The following ACSS3 variants were observed in gnomAD, a reference collection of about 807,000 sequenced individuals.
ACSS3 encodes acyl-CoA synthetase short chain family member 3.
ACSS3 carries 64 observed loss-of-function variants against 84.2 expected under a neutral mutation model. The ratio of observed to expected loss-of-function variants is 0.76; its 90% confidence interval spans 0.62 to 0.94. The LOEUF is 0.94. ACSS3 is among the 40% of genes least tolerant of loss of function. ACSS3 has a pLI of 0.00. For synonymous variants in ACSS3, 317 were observed against 310.1 expected, an observed-to-expected ratio of 1.02 and a Z score of -0.23; for missense variants, 815 against 867.6, an observed-to-expected ratio of 0.94 and a Z score of 0.76.
chr12:81,235,975 C>A (rs1455486160), intron 13 of ACSS3, among the ~76,000 whole-genome samples: 1 of 151,378 alleles, frequency 6.6e-6, no homozygotes, highest in Non-Finnish European at 1.5e-5. Context: ...CTTTTTCTTG[C>A]CTTTTGGAAC....
chr12:81,247,908 A>G (rs2034034703), intron 13 of ACSS3, among the ~76,000 whole-genome samples: 1 of 152,094 alleles, frequency 6.6e-6, no homozygotes, highest in African/African-American at 2.4e-5. Context: ...TCTTAATCCA[A>G]TGAAAGTTTT....
chr12:81,091,945 A>G (rs1479367806), intron 1 of ACSS3, among the ~76,000 whole-genome samples: 1 of 152,124 alleles, frequency 6.6e-6, no homozygotes, highest in Non-Finnish European at 1.5e-5. Flanking sequence ...ATGCAGAGAT[A>G]GCAGATCTAG....
intron 1 of ACSS3, among the ~76,000 whole-genome samples, chr12:81,107,055 A>G (rs1170918925): frequency 6.6e-6 from 1 of 152,000 alleles, no homozygotes; most frequent in African/African-American, 2.4e-5. Context: ...ATTTTTTTTA[A>G]GTAGAGATGT....
rs573166568 is a variant in ACSS3, at chr12:81,201,722, T to C, written c.1354+2278T>C. ...TTTTACTAATAAAATGAATGATTCT[T>C]TCCATTTCCATTGTCCTCATCCCGT... On this transcript the variant is annotated intron_variant, in intron 9 of 15. Transcript: ENST00000548058. 3.9e-5 allele frequency among the ~76,000 whole-genome samples: 6 copies of C among 152,340 alleles called. No homozygotes were observed. The South Asian group carries it at 1.0e-3, about 26-fold the overall frequency.
chr12:81,137,988 T>G (rs1018712704), intron 3 of ACSS3, among the ~76,000 whole-genome samples: 1 of 152,134 alleles, frequency 6.6e-6, no homozygotes, highest in Non-Finnish European at 1.5e-5. Flanking sequence ...TGGGGCAAAC[T>G]ATGTAATTGC....
chr12:81,148,878 G>A (rs975022081), intron 5 of ACSS3, among the ~76,000 whole-genome samples: 7 of 141,360 alleles, frequency 5.0e-5, no homozygotes, highest in African/African-American at 8.0e-5. Context: ...TGGCTAGCAC[G>A]GTGAAACCCT....
intron 11 of ACSS3, among the ~76,000 whole-genome samples, chr12:81,228,103 C>T (rs1921072): frequency 0.34 from 51,678 of 151,680 alleles, 10,855 homozygotes; most frequent in Non-Finnish European, 0.48. Context: ...ATTAGGATGA[C>T]CTATTTTTAC....
At chr12:81,170,178 A>G (rs1460931378) in intron 7 of ACSS3, among the ~76,000 whole-genome samples, 1 of 152,114 alleles carries the variant, frequency 6.6e-6, no homozygotes, top group African/African-American at 2.4e-5. Context: ...TTATAATTTT[A>G]TTTTGCTAAG....
At chr12:81,107,511 C>CATACAT (rs1883138364) in intron 1 of ACSS3, among the ~76,000 whole-genome samples, 3 of 38,834 alleles carry the variant, frequency 7.7e-5, no homozygotes, top group Non-Finnish European at 9.8e-5. Context: ...CAAATATATA[C>CATACAT]ATATATATAT....
At chr12:81,187,512 G>T (rs918944244) in intron 8 of ACSS3, among the ~76,000 whole-genome samples, 10 of 151,792 alleles carry the variant, frequency 6.6e-5, no homozygotes, top group Non-Finnish European at 1.5e-5. Flanking sequence ...CTGTATGTCT[G>T]GCTGTCTTTG....
chr12:81,128,390 T>C (rs1885256678), intron 2 of ACSS3, among the ~76,000 whole-genome samples: 1 of 152,192 alleles, frequency 6.6e-6, no homozygotes, highest in South Asian at 2.1e-4. Context: ...CACATTGTTA[T>C]ATCTAAATAA....
intron 7 of ACSS3, among the ~76,000 whole-genome samples, chr12:81,173,946 T>C (rs2030274609): frequency 6.6e-6 from 1 of 151,654 alleles, no homozygotes; most frequent in Admixed American, 6.6e-5. Flanking sequence ...ATTTTGGATA[T>C]ATATATATAT....
chr12:81,207,425 C>T (rs935412254), intron 9 of ACSS3, among the ~76,000 whole-genome samples: 1 of 152,124 alleles, frequency 6.6e-6, no homozygotes, highest in East Asian at 1.9e-4. Flanking sequence ...GCCTTTACAT[C>T]CCAATTCAGC....
intron 5 of ACSS3, among the ~76,000 whole-genome samples, chr12:81,147,374 A>G (rs778657585): frequency 9.2e-5 from 14 of 152,222 alleles, no homozygotes; most frequent in Non-Finnish European, 1.5e-4. Flanking sequence ...ACTCATTTAG[A>G]CAGTCAACAA....
intron 8 of ACSS3, among the ~76,000 whole-genome samples, chr12:81,195,885 G>A (rs1274899848): frequency 3.9e-5 from 6 of 152,120 alleles, no homozygotes; most frequent in African/African-American, 1.4e-4. Context: ...AGATAATTTT[G>A]AATATGCAGT....
chr12:81,218,724 T>C (rs149924611), intron 10 of ACSS3, among the ~76,000 whole-genome samples: 1 of 152,264 alleles, frequency 6.6e-6, no homozygotes, highest in Non-Finnish European at 1.5e-5. Flanking sequence ...ATTTCTCTGT[T>C]AGTATTTCAG....
At chr12:81,253,815 A>G in intron 15 of ACSS3, 145 bp downstream of exon 15, 1 of 826,626 alleles carries the variant, frequency 1.2e-6, no homozygotes, top group Non-Finnish European at 1.8e-6. Context: ...ATGTTAAGGG[A>G]GAGATTATAT....
intron 13 of ACSS3, among the ~76,000 whole-genome samples, chr12:81,245,770 A>G (rs2033964026): frequency 1.3e-5 from 2 of 152,158 alleles, no homozygotes; most frequent in South Asian, 4.1e-4. Flanking sequence ...GACAAATCTA[A>G]GAAGAATTGT....
chr12:81,088,102 G>A (rs1029989406), intron 1 of ACSS3, among the ~76,000 whole-genome samples: 2 of 152,052 alleles, frequency 1.3e-5, no homozygotes, highest in African/African-American at 4.8e-5. Context: ...TGCAATAAGA[G>A]GAGCAAGGCT....
Sources: allele counts gnomAD v4.1 joint callset (sites outside exome capture counted in the v4.1 genomes callset), GRCh38; gene constraint gnomAD v4.1.1; transcripts MANE v1.5; gene names NCBI Gene and HGNC (gene_info 2026-07-23, HGNC 2026-07-21).